DNAJC10: variants seen among roughly 807,000 people sequenced by gnomAD.
DNAJC10 encodes the protein DnaJ heat shock protein family (Hsp40) member C10, also known as endoplasmic reticulum disulfide reductase DNAJC10.
A neutral mutation model predicts 115.0 loss-of-function variants in DNAJC10; 101 were observed. The observed-to-expected ratio is 0.88, with a 90% CI of 0.75 to 1.04. The LOEUF (loss-of-function observed/expected upper bound fraction) is 1.04. DNAJC10 is among the 50% of genes least tolerant of loss of function. The probability of loss-of-function intolerance (pLI) is 0.00; values close to 1 mark genes in which losing one functional copy is unlikely to be tolerated. For synonymous variants in DNAJC10, 307 were observed against 301.5 expected, an observed-to-expected ratio of 1.02 and a Z score of -0.19; for missense variants, 981 against 928.8, an observed-to-expected ratio of 1.06 and a Z score of -0.73.
intron 22 of DNAJC10, among the ~76,000 whole-genome samples, chr2:182,772,477 T>G (rs1371362429): frequency 6.6e-6 from 1 of 152,210 alleles, no homozygotes. Flanking sequence ...TCTAAGGACT[T>G]ACTTTATGAA....
At chr2:182,752,403 G>A (rs1194246892) in intron 16 of DNAJC10, 3 of 343,184 alleles carry the variant, frequency 8.7e-6, no homozygotes, top group African/African-American at 4.3e-5. Flanking sequence ...ATGTAAATAA[G>A]GTCTTATTTA....
intron 14 of DNAJC10, among the ~76,000 whole-genome samples, chr2:182,744,814 A>G (rs1231686585): frequency 4.6e-5 from 7 of 152,224 alleles, no homozygotes; most frequent in Non-Finnish European, 8.8e-5. Flanking sequence ...TCCAAAACCT[A>G]GGCTAATAGC....
intron 11 of DNAJC10, chr2:182,740,081 G>A: frequency 9.6e-7 from 1 of 1,045,712 alleles, no homozygotes; most frequent in Non-Finnish European, 1.2e-6. Context: ...GGAATTTATT[G>A]TATATCACTA....
intron 22 of DNAJC10, among the ~76,000 whole-genome samples, chr2:182,770,134 G>A (rs886831783): frequency 2.6e-5 from 4 of 152,146 alleles, no homozygotes; most frequent in Non-Finnish European, 4.4e-5. Context: ...TAGATGTGTG[G>A]TGTTATTTCT....
At chr2:182,735,946 C>G (rs1470623420) in intron 10 of DNAJC10, among the ~76,000 whole-genome samples, 1 of 152,040 alleles carries the variant, frequency 6.6e-6, no homozygotes, top group African/African-American at 2.4e-5. Context: ...AGCTCACTTT[C>G]TATAAAAATT....
intron 10 of DNAJC10, 139 bp downstream of exon 10, chr2:182,732,681 A>G: frequency 2.6e-6 from 2 of 767,810 alleles, no homozygotes; most frequent in Non-Finnish European, 4.2e-6. Flanking sequence ...GACTGTATTC[A>G]TAGCTATGTG....
chr2:182,749,228 G>T (rs938412251), intron 14 of DNAJC10, among the ~76,000 whole-genome samples: 1 of 132,716 alleles, frequency 7.5e-6, no homozygotes, highest in Non-Finnish European at 1.6e-5. Flanking sequence ...TTTCTGTCTC[G>T]TTGATCTGTC....
intron 16 of DNAJC10, 100 bp downstream of exon 16, chr2:182,752,288 T>A (rs1044745987): frequency 5.5e-6 from 3 of 548,364 alleles, no homozygotes; most frequent in African/African-American, 3.8e-5. Context: ...AAATAATACA[T>A]CTTCTATTTA....
chr2:182,740,073 A>C (rs288256), intron 11 of DNAJC10: 1 of 1,022,328 alleles, frequency 9.8e-7, no homozygotes, highest in East Asian at 6.7e-5. Flanking sequence ...CTTATAATGG[A>C]ATTTATTGTA....
intron 2 of DNAJC10, among the ~76,000 whole-genome samples, 189 bp downstream of exon 2, chr2:182,717,261 CT>C (rs1440985874): frequency 6.6e-6 from 1 of 152,128 alleles, no homozygotes; most frequent in Non-Finnish European, 1.5e-5. Context: ...CGATTCCCTT[CT>C]CTTTTTGTGT....
At chr2:182,728,716 A>C (rs1309263381) in intron 6 of DNAJC10, 58 bp downstream of exon 6, 4 of 1,493,086 alleles carry the variant, frequency 2.7e-6, no homozygotes, top group Middle Eastern at 1.8e-4. Flanking sequence ...TGCAATTTAT[A>C]TGTTAGAATT....
intron 11 of DNAJC10, chr2:182,739,581 G>C: frequency 2.5e-6 from 3 of 1,214,102 alleles, no homozygotes; most frequent in Non-Finnish European, 3.2e-6. Context: ...CAGAGAGAGA[G>C]AGTTATATGA....
intron 5 of DNAJC10, among the ~76,000 whole-genome samples, chr2:182,723,358 T>G (rs1337095243): frequency 6.6e-6 from 1 of 152,202 alleles, no homozygotes; most frequent in Non-Finnish European, 1.5e-5. Flanking sequence ...GGGTGGCATT[T>G]TAATCTTATT....
chr2:182,736,449 A>G (rs1205176649), intron 11 of DNAJC10, 63 bp downstream of exon 11: 1 of 1,226,682 alleles, frequency 8.2e-7, no homozygotes, highest in South Asian at 2.1e-5. Context: ...AAAATAATAC[A>G]TTATTTTTGT....
At chr2:182,765,807 G>A (rs770746182) in intron 22 of DNAJC10, among the ~76,000 whole-genome samples, 2 of 152,196 alleles carry the variant, frequency 1.3e-5, no homozygotes, top group African/African-American at 2.4e-5. Context: ...CTAGTTTTGT[G>A]TTGTATGTGC....
At chr2:182,747,048 C>T (rs1693886535) in intron 14 of DNAJC10, among the ~76,000 whole-genome samples, 2 of 152,158 alleles carry the variant, frequency 1.3e-5, no homozygotes, top group East Asian at 1.9e-4. Context: ...TGTATATATG[C>T]GGCGTTATTT....
In DNAJC10 at chr2:182,786,703, C is replaced by T. The variant is rs973133741; in HGVS notation, c.*9571C>T. 1 of 152,264 alleles carries T rather than the reference C, an allele frequency of 6.6e-6. No individual in the cohort carries two copies. Among genetic ancestry groups the T allele is most frequent in the Non-Finnish European group, 1.5e-5 (1 of 68,104 alleles). 9.4% of individuals were successfully genotyped at this position (152,264 alleles called of 1,614,324 possible). A position where few individuals can be genotyped will look rare whatever the true frequency, so the allele number is the denominator to read the frequency against. ...TTCTTGCCAAAGCCAAGTTCTCTCC[C>T]TCCCTCTCAACAGATTTCTCAGCAC... On this transcript the variant is annotated 3_prime_UTR_variant, in exon 24 of 24. Transcript: ENST00000264065.
rs946585177 is a variant in DNAJC10 at position 182,783,807 on chromosome 2, T to G, written c.*6675T>G. The G allele has an allele frequency of 6.6e-6, 1 of 152,164 alleles. No individual in the cohort carries two copies. Among genetic ancestry groups the G allele is most frequent in the African/African-American group, 2.4e-5 (1 of 41,448 alleles). 9.4% of individuals were successfully genotyped at this position (152,164 alleles called of 1,614,324 possible). On this transcript the variant is annotated 3_prime_UTR_variant, in exon 24 of 24. Transcript: ENST00000264065. The stretch of plus-strand genomic sequence containing the variant: ...TATTACTTGAAGATCAACTATATTG[T>G]TATTTTTAGTATGTTAGCAATTCAT...
intron 9 of DNAJC10, among the ~76,000 whole-genome samples, chr2:182,731,408 A>T (rs1327805518): frequency 6.6e-6 from 1 of 152,104 alleles, no homozygotes; most frequent in African/African-American, 2.4e-5. Context: ...TGCAAAAATA[A>T]CTAGTTGTTT....
Sources: allele counts gnomAD v4.1 joint callset (sites outside exome capture counted in the v4.1 genomes callset), GRCh38; gene constraint gnomAD v4.1.1; transcripts MANE v1.5; gene names NCBI Gene and HGNC (gene_info 2026-07-23, HGNC 2026-07-21).